SAMHD1: variants seen among roughly 807,000 people sequenced by gnomAD.
The protein encoded by SAMHD1 is SAM and HD domain containing deoxynucleoside triphosphate triphosphohydrolase 1, also known as deoxynucleoside triphosphate triphosphohydrolase SAMHD1.
A neutral mutation model predicts 79.6 loss-of-function variants in SAMHD1; 54 were observed. That is an observed-to-expected ratio of 0.68 (90% CI 0.55 to 0.85). The LOEUF (loss-of-function observed/expected upper bound fraction) is 0.85. Among genes scored for constraint, SAMHD1 ranks in the 40% least tolerant of loss-of-function variants. SAMHD1 has a pLI of 0.00. For missense variants in SAMHD1, 663 were observed against 782.7 expected, an observed-to-expected ratio of 0.85 and a Z score of 1.82; for synonymous variants, 260 against 264.1, an observed-to-expected ratio of 0.98 and a Z score of 0.15.
At chr20:36,950,935 C>T (rs1241982125) in intron 1 of SAMHD1, among the ~76,000 whole-genome samples, 1 of 152,144 alleles carries the variant, frequency 6.6e-6, no homozygotes, top group Non-Finnish European at 1.5e-5. Context: ...CAAGGAGCTG[C>T]GGTTAGCGCG....
rs189106086 is a variant in SAMHD1, at chr20:36,941,850, G to T, written c.276-739C>A. On this transcript the variant is annotated intron_variant, in intron 2 of 15. Transcript: ENST00000646673. ...AACCCATGGTAATAAGAACACTTAA[G>T]AATAATATCTTGGGATACACAGAAG... 2.3e-3 allele frequency among the ~76,000 whole-genome samples: 347 copies of T among 152,232 alleles called. 4 individuals carry two copies. The highest frequency in any genetic ancestry group is 0.01 in the Middle Eastern group (3 of 294).
chr20:36,944,866 C>T (rs1367420445), intron 2 of SAMHD1, among the ~76,000 whole-genome samples: 1 of 152,158 alleles, frequency 6.6e-6, no homozygotes, highest in African/African-American at 2.4e-5. Context: ...TGCACTCCAG[C>T]CTGGGCAACA....
intron 1 of SAMHD1, among the ~76,000 whole-genome samples, chr20:36,949,271 A>C (rs2063716055): frequency 6.6e-6 from 1 of 151,880 alleles, no homozygotes; most frequent in Non-Finnish European, 1.5e-5. Flanking sequence ...CTCAGAAAAA[A>C]AATAAAATAA....
Position 36,904,493 on chromosome 20 carries a change from C to T in SAMHD1, c.1411-244G>A, listed in dbSNP as rs536175608. 214 of 441,890 alleles carry T rather than the reference C, an allele frequency of 4.8e-4. 2 individuals carry two copies. Among genetic ancestry groups the T allele is most frequent in the South Asian group, 4.4e-3 (210 of 47,630 alleles). The allele number at this position is 441,890 out of a possible 1,614,324, so 27.4% of individuals were successfully genotyped here. On this transcript the variant is annotated intron_variant, in intron 12 of 15. Transcript: ENST00000646673. ...CAGCACTTTGGGAGGCCCAGGTGGG[C>T]GGATCATGAGGTCGGGAGTTCGAGA...
rs1389095176 is a variant in SAMHD1, at chr20:36,892,362, G to A, written c.*570C>T. 5.4e-6 allele frequency: 1 copy of A among 184,318 alleles called. No homozygotes were observed. Among genetic ancestry groups the A allele is most frequent in the Non-Finnish European group, 1.1e-5 (1 of 88,338 alleles). 11.4% of individuals were successfully genotyped at this position (184,318 alleles called of 1,614,324 possible). On this transcript the variant is annotated 3_prime_UTR_variant, in exon 16 of 16. Transcript: ENST00000646673. ...GACTATCCTCAAACTTGAGGTGACA[G>A]GGAACTCTTCACGGGGGCAGGATTT...
At chr20:36,947,405 G>GGT (rs771698070) in intron 1 of SAMHD1, among the ~76,000 whole-genome samples, 2,167 of 29,052 alleles carry the variant, frequency 0.075, 413 homozygotes, top group African/African-American at 0.17. Flanking sequence ...ATTTGGAAGA[G>GGT]GTGTGTGTGT....
At chr20:36,911,139 A>T in intron 11 of SAMHD1, 79 bp downstream of exon 11, 1 of 804,450 alleles carries the variant, frequency 1.2e-6, no homozygotes, top group South Asian at 1.6e-5. Flanking sequence ...TAAAAGAAAG[A>T]AAAATAACTC....
chr20:36,921,717 T>C lies in SAMHD1; in HGVS notation c.697-2198A>G, dbSNP rs970358419. ...TTTTTGTGGTTGTTTTTTTTTTTTT[T>C]CCCTCTTGTTGCCCAGGCTGGAGTG... On this transcript the variant is annotated intron_variant, in intron 6 of 15. Coordinates refer to ENST00000646673, the MANE Select transcript of SAMHD1 (RefSeq NM_015474.4). Among the ~76,000 whole-genome samples, 297 of 149,522 alleles carry C rather than the reference T, an allele frequency of 2.0e-3. 1 individual carries two copies. Among genetic ancestry groups the C allele is most frequent in the African/African-American group, 6.6e-3 (272 of 41,054 alleles).
intron 2 of SAMHD1, among the ~76,000 whole-genome samples, chr20:36,942,289 A>C (rs2063650562): frequency 6.6e-6 from 1 of 152,050 alleles, no homozygotes; most frequent in Non-Finnish European, 1.5e-5. Flanking sequence ...GTGGTGGCGC[A>C]TGCCTGTAAT....
intron 4 of SAMHD1, among the ~76,000 whole-genome samples, chr20:36,931,411 A>G: frequency 6.6e-6 from 1 of 152,102 alleles, no homozygotes; most frequent in Non-Finnish European, 1.5e-5. Context: ...TGAGGCGGGC[A>G]GATCACTTGA....
chr20:36,943,078 C>T (rs1195927054), intron 2 of SAMHD1, among the ~76,000 whole-genome samples: 1 of 152,090 alleles, frequency 6.6e-6, no homozygotes, highest in African/African-American at 2.4e-5. Flanking sequence ...TAAGAGCTTG[C>T]AAGTAATTAA....
In SAMHD1 at chr20:36,932,204, ACTTGGAAGGCTG is replaced by A. The variant is rs1391137466; in HGVS notation, c.510-1341_510-1330del. Among the ~76,000 whole-genome samples, 10 of 151,736 alleles carry A rather than the reference ACTTGGAAGGCTG, an allele frequency of 6.6e-5. No individual in the cohort carries two copies. In the South Asian group the frequency reaches 1.5e-3, roughly 22 times the overall value. On this transcript the variant is annotated intron_variant, in intron 4 of 15. Coordinates refer to ENST00000646673, the MANE Select transcript of SAMHD1 (RefSeq NM_015474.4). ...AGCTACTTGGAAGGCTGAGGCAGCTACTTGGAAGGCTGCTTGGAAGGCTGTAATCCCAGCTAC... is the reference window on the plus strand; with the variant it reads ...AGCTACTTGGAAGGCTGAGGCAGCTACTTGGAAGGCTGTAATCCCAGCTAC...
At chr20:36,937,068 G>A (rs2063609364) in intron 3 of SAMHD1, among the ~76,000 whole-genome samples, 1 of 151,436 alleles carries the variant, frequency 6.6e-6, no homozygotes, top group Admixed American at 6.6e-5. Flanking sequence ...TTGAACCCAG[G>A]AGGCAAAGGT....
chr20:36,926,897 T>C (rs2146127469), intron 6 of SAMHD1: 1 of 346,536 alleles, frequency 2.9e-6, no homozygotes, highest in East Asian at 5.9e-5. Context: ...GGTTTTGTAT[T>C]GCTGATTCCA....
intron 6 of SAMHD1, among the ~76,000 whole-genome samples, chr20:36,922,878 G>A (rs2063514601): frequency 6.6e-6 from 1 of 151,854 alleles, no homozygotes; most frequent in African/African-American, 2.4e-5. Flanking sequence ...TGAACTCCTG[G>A]GCTCAAGCGA....
At chr20:36,909,995 C>G (rs1310677281) in intron 11 of SAMHD1, among the ~76,000 whole-genome samples, 1 of 151,906 alleles carries the variant, frequency 6.6e-6, no homozygotes, top group African/African-American at 2.4e-5. Context: ...GAGGCTGAGG[C>G]AGGCGGATCA....
chr20:36,905,897 C>G (rs1023636873), intron 11 of SAMHD1, among the ~76,000 whole-genome samples: 1 of 151,568 alleles, frequency 6.6e-6, no homozygotes, highest in South Asian at 2.1e-4. Flanking sequence ...TGCTTGACCC[C>G]GGAAAGTGGA....
chr20:36,903,529 G>T (rs1265064560), intron 13 of SAMHD1, among the ~76,000 whole-genome samples: 2 of 147,640 alleles, frequency 1.4e-5, no homozygotes, highest in Non-Finnish European at 3.0e-5. Flanking sequence ...ATGAGCCACC[G>T]TGCCCAGCAA....
At chr20:36,947,475 AGGTGTGTGTGTGTGTG>A (rs2063698156) in intron 1 of SAMHD1, among the ~76,000 whole-genome samples, 1 of 95,482 alleles carries the variant, frequency 1.0e-5, no homozygotes, top group African/African-American at 4.4e-5. Flanking sequence ...GATTTGGAAG[AGGTGTGTGTGTGTGTG>A]AGTGTGTGTG....
Sources: gnomAD v4.1 joint callset for allele counts (sites outside exome capture counted in the v4.1 genomes callset) on GRCh38, gnomAD v4.1.1 for gene constraint, MANE v1.5 for transcripts, NCBI Gene and HGNC (gene_info 2026-07-23, HGNC 2026-07-21) for gene names.